Variants in RANBP2 observed in about 807,000 individuals in gnomAD.
RANBP2 encodes the protein E3 SUMO-protein ligase RanBP2.
A neutral mutation model predicts 303.6 loss-of-function variants in RANBP2; 57 were observed. The ratio of observed to expected loss-of-function variants is 0.19; its 90% confidence interval spans 0.15 to 0.23. RANBP2 has a LOEUF of 0.23. RANBP2 is among the 10% of genes least tolerant of loss of function. RANBP2 has a pLI of 1.00. For synonymous variants in RANBP2, 1,167 were observed against 1,301.5 expected, an observed-to-expected ratio of 0.90 and a Z score of 2.23; for missense variants, 3,138 against 3,780.8, an observed-to-expected ratio of 0.83 and a Z score of 4.46.
the RANBP2 span, among the ~76,000 whole-genome samples, chr2:108,935,549 CCTT>C: frequency 6.6e-6 from 1 of 152,154 alleles, no homozygotes; most frequent in Admixed American, 6.5e-5. Flanking sequence ...ATGTTTAATT[CCTT>C]CTGGGAGCCC....
chr2:109,197,143 GCT>G, the RANBP2 span, among the ~76,000 whole-genome samples: 1 of 152,206 alleles, frequency 6.6e-6, no homozygotes, highest in Non-Finnish European at 1.5e-5. Flanking sequence ...TGTGCAGATG[GCT>G]CCTGAGCTCC....
the RANBP2 span, among the ~76,000 whole-genome samples, chr2:109,307,326 G>GAT: frequency 1.3e-5 from 2 of 152,176 alleles, no homozygotes; most frequent in Non-Finnish European, 2.9e-5. Context: ...ATGCTCACAG[G>GAT]AGCACTTGGC....
the RANBP2 span, among the ~76,000 whole-genome samples, chr2:109,012,022 C>T: frequency 2.0e-5 from 3 of 152,136 alleles, no homozygotes; most frequent in Middle Eastern, 3.2e-3. Context: ...TTCTGTTTTT[C>T]GATTCGTCTG....
chr2:109,553,040 G>A, the RANBP2 span: 1 of 1,586,576 alleles, frequency 6.3e-7, no homozygotes, highest in African/African-American at 1.4e-5. Flanking sequence ...CAAATTAATA[G>A]GACATCTAAA....
the RANBP2 span, among the ~76,000 whole-genome samples, chr2:108,991,801 ATT>A: frequency 1.3e-5 from 2 of 152,164 alleles, no homozygotes; most frequent in Non-Finnish European, 2.9e-5. Context: ...GTGATTTTAA[ATT>A]TGTGTCTTTT....
At chr2:109,657,216 C>A in the RANBP2 span, among the ~76,000 whole-genome samples, 125 of 152,186 alleles carry the variant, frequency 8.2e-4, no homozygotes, top group African/African-American at 2.9e-3. Flanking sequence ...GAGGCTAAGG[C>A]AGGCAGACTG....
chr2:108,974,790 G>C, the RANBP2 span, among the ~76,000 whole-genome samples: 1 of 152,118 alleles, frequency 6.6e-6, no homozygotes, highest in African/African-American at 2.4e-5. Flanking sequence ...AAACTGAGAG[G>C]GTAGAGGGAA....
At chr2:109,609,700 A>G in the RANBP2 span, among the ~76,000 whole-genome samples, 2 of 152,282 alleles carry the variant, frequency 1.3e-5, no homozygotes, top group Admixed American at 1.3e-4. Context: ...AGCCTCTTAG[A>G]TACGAAAATT....
the RANBP2 span, among the ~76,000 whole-genome samples, chr2:109,326,487 C>T: frequency 2.0e-5 from 3 of 152,200 alleles, no homozygotes; most frequent in African/African-American, 7.2e-5. Flanking sequence ...ACGTTTCCTT[C>T]TGCGCCCTTG....
At chr2:109,248,787 TTCTCTTTCTGTCTC>T in the RANBP2 span, among the ~76,000 whole-genome samples, 1 of 151,270 alleles carries the variant, frequency 6.6e-6, no homozygotes, top group East Asian at 1.9e-4. Context: ...CTTTCTGTCT[TTCTCTTTCTGTCTC>T]TCTTTCTCTT....
At chr2:109,726,062 T>G in the RANBP2 span, among the ~76,000 whole-genome samples, 1 of 129,126 alleles carries the variant, frequency 7.7e-6, no homozygotes, top group Non-Finnish European at 1.7e-5. Flanking sequence ...GCTTTTGGTG[T>G]GTGTGTGTGT....
the RANBP2 span, among the ~76,000 whole-genome samples, chr2:109,456,488 G>A: frequency 6.6e-6 from 1 of 152,240 alleles, no homozygotes; most frequent in Non-Finnish European, 1.5e-5. Flanking sequence ...CTTTCTCTAA[G>A]TTAGGAATGT....
At chr2:109,396,565 T>C in the RANBP2 span, among the ~76,000 whole-genome samples, 1 of 152,070 alleles carries the variant, frequency 6.6e-6, no homozygotes, top group Non-Finnish European at 1.5e-5. Flanking sequence ...GGGTTTTTTG[T>C]TTTTGTTTTT....
chr2:109,670,664 A>G, the RANBP2 span, among the ~76,000 whole-genome samples: 1 of 152,174 alleles, frequency 6.6e-6, no homozygotes, highest in South Asian at 2.1e-4. Flanking sequence ...AGTGGGGTGC[A>G]TAGCATTTCC....
At chr2:108,930,868 A>G in the RANBP2 span, 3 of 1,355,684 alleles carry the variant, frequency 2.2e-6, no homozygotes, top group South Asian at 3.5e-5. Context: ...AGGGACTATG[A>G]TCAGCATTCC....
At chr2:109,355,654 A>G in the RANBP2 span, among the ~76,000 whole-genome samples, 1 of 152,152 alleles carries the variant, frequency 6.6e-6, no homozygotes, top group African/African-American at 2.4e-5. Flanking sequence ...CTCTTCGGCC[A>G]TTGGGAGCCT....
the RANBP2 span, among the ~76,000 whole-genome samples, chr2:109,059,987 C>T: frequency 7.2e-5 from 11 of 152,192 alleles, no homozygotes; most frequent in South Asian, 2.3e-3. Flanking sequence ...TTCTCCTTCC[C>T]AGACCTGCTC....
chr2:108,864,307 G>A, the RANBP2 span, among the ~76,000 whole-genome samples: 1 of 152,086 alleles, frequency 6.6e-6, no homozygotes, highest in African/African-American at 2.4e-5. Flanking sequence ...AAAGATTAAA[G>A]TTCTCTAGCT....
the RANBP2 span, among the ~76,000 whole-genome samples, chr2:109,683,389 T>C: frequency 6.6e-6 from 1 of 152,146 alleles, no homozygotes; most frequent in Non-Finnish European, 1.5e-5. Context: ...TGGTGATACA[T>C]TTGCATGCCT....
Sources: allele counts gnomAD v4.1 joint callset (sites outside exome capture counted in the v4.1 genomes callset), GRCh38; gene constraint gnomAD v4.1.1; transcripts MANE v1.5; gene names NCBI Gene and HGNC (gene_info 2026-07-23, HGNC 2026-07-21).